The following PSMD13 variants were observed in gnomAD, a reference collection of about 807,000 sequenced individuals.
The protein encoded by PSMD13 is proteasome 26S subunit, non-ATPase 13.
In PSMD13, 8 loss-of-function variants were observed where a neutral mutation model predicts 57.4. That is an observed-to-expected ratio of 0.14 (90% CI 0.08 to 0.25). The LOEUF (loss-of-function observed/expected upper bound fraction) is 0.25, where lower values mean the gene tolerates loss of function less well. Among genes scored for constraint, PSMD13 ranks in the 10% least tolerant of loss-of-function variants. The pLI is 1.00. For missense variants in PSMD13, 400 were observed against 461.5 expected (o/e 0.87, Z 1.22); for synonymous variants, 193 against 168.2 (o/e 1.15, Z -1.14).
chr11:246,743 C>A (rs1283139166), intron 6 of PSMD13, among the ~76,000 whole-genome samples: 1 of 152,152 alleles, frequency 6.6e-6, no homozygotes, highest in African/African-American at 2.4e-5. Flanking sequence ...TCTTGCTGAT[C>A]TAATAGAAGT....
At chr11:242,137 TTTC>T (rs1859529494) in intron 2 of PSMD13, among the ~76,000 whole-genome samples, 2 of 151,078 alleles carry the variant, frequency 1.3e-5, no homozygotes, top group Non-Finnish European at 2.9e-5. Context: ...CCCCTTTTTT[TTTC>T]TTTCTTTCTT....
chr11:252,798 G>C lies in PSMD13; in HGVS notation c.*198G>C. ...CCACAGGGAGGAGGCTTCTTTGTGG[G>C]TCTCTCCTGCAGAGGGTGGGGGTCT... On this transcript the variant is annotated 3_prime_UTR_variant, in exon 13 of 13. Coordinates refer to ENST00000532097, the MANE Select transcript of PSMD13 (RefSeq NM_002817.4). The surrounding 1 kb of genome is among the most constrained non-coding windows in gnomAD (Gnocchi z 4.1). 1.8e-6 allele frequency: 1 copy of C among 564,130 alleles called. No individual in the cohort carries two copies. Among genetic ancestry groups the C allele is most frequent in the East Asian group, 3.0e-5 (1 of 33,414 alleles). 34.9% of individuals were successfully genotyped at this position (564,130 alleles called of 1,614,324 possible).
Position 252,604 on chromosome 11 carries a change from C to T in PSMD13, c.*4C>T. ...GGCCCATGACATCCTCACCTAGGGC[C>T]CCCTGGTTCCCCGTCGTGTCTCCTT... On this transcript the variant is annotated 3_prime_UTR_variant, in exon 13 of 13. Transcript: ENST00000532097. This position sits in a 1 kb window ranked among gnomAD's most constrained non-coding sequence, Gnocchi z 4.1. 1 of 1,613,846 alleles carries T rather than the reference C, an allele frequency of 6.2e-7. No homozygotes were observed. The highest frequency in any genetic ancestry group is 1.1e-5 in the South Asian group (1 of 91,070).
intron 6 of PSMD13, 36 bp from the exon 7 acceptor site, chr11:247,236 TTTAAC>T (rs1391489895): frequency 6.4e-7 from 1 of 1,566,118 alleles, no homozygotes; most frequent in Non-Finnish European, 8.6e-7. Context: ...AAAATAAACT[TTTAAC>T]TTAAAAAGAG....
Position 239,091 on chromosome 11 carries a change from A to C in PSMD13, c.174+15A>C. 1 of 1,600,734 alleles carries C rather than the reference A, an allele frequency of 6.2e-7. No individual in the cohort carries two copies. Among genetic ancestry groups the C allele is most frequent in the Non-Finnish European group, 8.6e-7 (1 of 1,167,758 alleles). On this transcript the variant is annotated intron_variant, in intron 2 of 12. Coordinates refer to ENST00000532097, the MANE Select transcript of PSMD13 (RefSeq NM_002817.4). ...GTCTCATTAAGGTAAATAATTTGCTATACCAGATTAGATTATATGAATGTG... is the reference window on the plus strand; with the variant it reads ...GTCTCATTAAGGTAAATAATTTGCTCTACCAGATTAGATTATATGAATGTG...
At position 248,856 on chromosome 11, in the gene PSMD13, G is replaced by A. The variant is rs112028665; in HGVS notation, c.648+1G>A. The A allele has an allele frequency of 3.7e-6, 6 of 1,614,140 alleles. No individual in the cohort carries two copies. The highest frequency in any genetic ancestry group is 2.2e-5 in the East Asian group (1 of 44,880). ...GGGAGTTTTTAACTTTGGAGAACTC[G>A]TAAGTTGACCCTGAGCTCAGCTTCC... On this transcript the variant is annotated splice_donor_variant, in intron 8 of 12. Coordinates refer to ENST00000532097, the MANE Select transcript of PSMD13 (RefSeq NM_002817.4). LOFTEE classifies it high-confidence loss of function.
chr11:244,988 T>G (rs1194993841), intron 6 of PSMD13, among the ~76,000 whole-genome samples: 1 of 150,526 alleles, frequency 6.6e-6, no homozygotes, highest in Non-Finnish European at 1.5e-5. Context: ...TTTCCCAGGC[T>G]GGAGTGCAAT....
chr11:249,199 T>TG, intron 9 of PSMD13, 142 bp downstream of exon 9: 37 of 1,184,538 alleles, frequency 3.1e-5, no homozygotes, highest in Non-Finnish European at 3.9e-5. Flanking sequence ...CTTGCTCTCA[T>TG]AGAGCAGAGA....
chr11:251,918 A>G lies in PSMD13; in HGVS notation c.1017A>G (p.Arg339=), dbSNP rs775295951. ...TCCACATGACCTGGGTGCAGCCCCG[A>G]GTGTTGGATTTGCAACAGGTGATGT... The part of the protein sequence containing the change: ...KRVHMTWVQP[R]VLDLQQIKGM... Residue 339 remains arginine, a synonymous_variant, in exon 12 of 13, where the codon CGA becomes CGG. Coordinates refer to ENST00000532097, the MANE Select transcript of PSMD13 (RefSeq NM_002817.4). The surrounding 1 kb of genome is among the most constrained non-coding windows in gnomAD (Gnocchi z 4.6). 2 of 1,613,730 alleles carry G rather than the reference A, an allele frequency of 1.2e-6. No homozygotes were observed. The highest frequency in any genetic ancestry group is 2.2e-5 in the East Asian group (1 of 44,872).
chr11:249,115 CA>C, intron 9 of PSMD13, 58 bp downstream of exon 9: 1 of 1,597,424 alleles, frequency 6.3e-7, no homozygotes. Flanking sequence ...GCTCATACAA[CA>C]GATGTTCATT....
chr11:244,857 A>G, intron 6 of PSMD13, 96 bp downstream of exon 6: 1 of 1,031,648 alleles, frequency 9.7e-7, no homozygotes, highest in Admixed American at 3.1e-5. Context: ...TGTTTATTTT[A>G]AAACATTTTT....
Position 251,966 on chromosome 11 carries a change from C to T in PSMD13, c.1035+30C>T, listed in dbSNP as rs892047429. 41 of 1,584,592 alleles carry T rather than the reference C, an allele frequency of 2.6e-5. No individual in the cohort carries two copies. Among genetic ancestry groups the T allele is most frequent in the African/African-American group, 9.4e-5 (7 of 74,288 alleles). ...TGTGTTTGAAACCCATTATTCACCT[C>T]TGTGGATTTTGAGGGGTTGTGTCTA... On this transcript the variant is annotated intron_variant, in intron 12 of 12. Coordinates refer to ENST00000532097, the MANE Select transcript of PSMD13 (RefSeq NM_002817.4). The surrounding 1 kb of genome is among the most constrained non-coding windows in gnomAD (Gnocchi z 4.6).
chr11:241,296 A>C lies in PSMD13; in HGVS notation c.174+2220A>C, dbSNP rs974960100. Among the ~76,000 whole-genome samples the C allele has an allele frequency of 2.0e-5, 3 of 150,118 alleles. No individual in the cohort carries two copies. The East Asian group carries it at 5.9e-4, about 29-fold the overall frequency. ...TGGGATTACAAGCGTGTGCCACCACACCTGGCTAATTTTTGTAGTTTTAGT... is the reference window on the plus strand; with the variant it reads ...TGGGATTACAAGCGTGTGCCACCACCCCTGGCTAATTTTTGTAGTTTTAGT... On this transcript the variant is annotated intron_variant, in intron 2 of 12. Coordinates refer to ENST00000532097, the MANE Select transcript of PSMD13 (RefSeq NM_002817.4).
chr11:251,803 C>A lies in PSMD13; in HGVS notation c.919-17C>A. ...GTCAGGCTATCTTGTCTTACACACG[C>A]CTCCCTCTCTGCACAGGTGGAGCTT... On this transcript the variant is annotated splice_polypyrimidine_tract_variant and intron_variant, in intron 11 of 12. Coordinates refer to ENST00000532097, the MANE Select transcript of PSMD13 (RefSeq NM_002817.4). The surrounding 1 kb of genome is among the most constrained non-coding windows in gnomAD (Gnocchi z 4.6). 1 of 1,611,010 alleles carries A rather than the reference C, an allele frequency of 6.2e-7. No homozygotes were observed.
At chr11:243,890 T>C in intron 2 of PSMD13, 151 bp from the exon 3 acceptor site, 1 of 662,698 alleles carries the variant, frequency 1.5e-6, no homozygotes, top group Non-Finnish European at 2.6e-6. Context: ...TCTGCAAACA[T>C]GCATTGCTTA....
chr11:242,559 G>A (rs1020504906), intron 2 of PSMD13, among the ~76,000 whole-genome samples: 11 of 114,896 alleles, frequency 9.6e-5, no homozygotes, highest in African/African-American at 1.9e-4. Context: ...AAAAAACTGC[G>A]TTGAATGTCA....
Position 248,866 on chromosome 11 carries a change from CCT to C in PSMD13, c.648+12_648+13del, listed in dbSNP as rs758792373. ...AACTTTGGAGAACTCGTAAGTTGACCCTGAGCTCAGCTTCCTTAACGAGAGAG... is the reference window on the plus strand; with the variant it reads ...AACTTTGGAGAACTCGTAAGTTGACCGAGCTCAGCTTCCTTAACGAGAGAG... On this transcript the variant is annotated intron_variant, in intron 8 of 12. Coordinates refer to ENST00000532097, the MANE Select transcript of PSMD13 (RefSeq NM_002817.4). The C allele has an allele frequency of 1.4e-5, 23 of 1,613,922 alleles. No individual in the cohort carries two copies. Among genetic ancestry groups the C allele is most frequent in the Non-Finnish European group, 1.8e-5 (21 of 1,180,010 alleles).
chr11:242,126 GC>G (rs112501193), intron 2 of PSMD13, among the ~76,000 whole-genome samples: 41,135 of 149,308 alleles, frequency 0.28, 6,786 homozygotes, highest in African/African-American at 0.46. Flanking sequence ...ATGCACTTCT[GC>G]CCCTTTTTTT....
At chr11:244,357 A>C in intron 4 of PSMD13, 69 bp from the exon 5 acceptor site, 2 of 1,582,248 alleles carry the variant, frequency 1.3e-6, no homozygotes, top group Non-Finnish European at 1.7e-6. Flanking sequence ...AGATTACCCT[A>C]CCTAAGGGTG....
Sources: gnomAD v4.1 joint callset for allele counts (sites outside exome capture counted in the v4.1 genomes callset) on GRCh38, gnomAD v4.1.1 for gene constraint, Gnocchi (gnomAD v3.1) non-coding constraint, MANE v1.5 for transcripts, NCBI Gene and HGNC (gene_info 2026-07-23, HGNC 2026-07-21) for gene names.